TENM3: variants seen among roughly 807,000 people sequenced by gnomAD.
The protein encoded by TENM3 is teneurin transmembrane protein 3, also known as teneurin-3.
Under a neutral mutation model 255.1 loss-of-function variants are expected in TENM3, and 63 were observed. That is an observed-to-expected ratio of 0.25 (90% CI 0.20 to 0.30). The LOEUF (loss-of-function observed/expected upper bound fraction) is 0.30. Among genes scored for constraint, TENM3 ranks in the 10% least tolerant of loss-of-function variants. The probability of loss-of-function intolerance (pLI) is 1.00; values close to 1 mark genes in which losing one functional copy is unlikely to be tolerated. For missense variants in TENM3, 2,929 were observed against 3,461.1 expected (o/e 0.85, Z 3.86); for synonymous variants, 1,306 against 1,322.3 (o/e 0.99, Z 0.27).
chr4:181,916,324 G>T, the TENM3 span, among the ~76,000 whole-genome samples: 1 of 152,114 alleles, frequency 6.6e-6, no homozygotes. Context: ...ATCATTACTT[G>T]TTTAATGCCC....
At chr4:182,228,376 G>GTATA (rs1561218842) in intron 1 of TENM3, among the ~76,000 whole-genome samples, 1 of 92,192 alleles carries the variant, frequency 1.1e-5, no homozygotes, top group Non-Finnish European at 2.4e-5. Flanking sequence ...GTGTGTGTGT[G>GTATA]TGTGTGTGTG....
At chr4:182,529,970 T>A (rs1047223646) in intron 3 of TENM3, among the ~76,000 whole-genome samples, 2 of 152,210 alleles carry the variant, frequency 1.3e-5, no homozygotes, top group Admixed American at 1.3e-4. Flanking sequence ...GGTAGCTGGT[T>A]TGAGTATATA....
At chr4:181,785,238 G>T in the TENM3 span, among the ~76,000 whole-genome samples, 6 of 152,154 alleles carry the variant, frequency 3.9e-5, no homozygotes, top group African/African-American at 1.4e-4. Flanking sequence ...ATAACATACA[G>T]ATTTGTTTAT....
chr4:181,760,455 G>A, the TENM3 span, among the ~76,000 whole-genome samples: 2 of 152,166 alleles, frequency 1.3e-5, no homozygotes, highest in Non-Finnish European at 2.9e-5. Flanking sequence ...AATAGACCAC[G>A]ATTGTGTAAT....
chr4:182,388,901 C>G (rs1223016180), intron 3 of TENM3, among the ~76,000 whole-genome samples: 2 of 152,166 alleles, frequency 1.3e-5, no homozygotes, highest in Admixed American at 6.5e-5. Flanking sequence ...AGCACCAAGA[C>G]AGATGGAGGT....
chr4:182,720,971 T>C (rs1015360365), intron 13 of TENM3, among the ~76,000 whole-genome samples: 2 of 151,992 alleles, frequency 1.3e-5, no homozygotes, highest in African/African-American at 4.8e-5. Context: ...TTTCACCACA[T>C]TGGCCAAGCT....
In TENM3 at chr4:182,680,521, T is replaced by A. The variant is rs773731043; in HGVS notation, c.1640-22T>A. 7 of 1,610,410 alleles carry A rather than the reference T, an allele frequency of 4.3e-6. No homozygotes were observed. In the African/African-American group the frequency reaches 6.7e-5, roughly 15 times the overall value. On this transcript the variant is annotated intron_variant, in intron 9 of 27. Transcript: ENST00000511685. ...CGGTGGAAAGTGTGGCTGTAATTCT[T>A]CTGTCGTGTCTTGTTTCACAGCCGC...
At chr4:181,540,972 T>TGTAGTCCCATATTGC in the TENM3 span, among the ~76,000 whole-genome samples, 1 of 152,216 alleles carries the variant, frequency 6.6e-6, no homozygotes, top group African/African-American at 2.4e-5. Context: ...ATATGGGAAC[T>TGTAGTCCCATATTGC]ACATGTGCAA....
At chr4:181,714,346 G>A in the TENM3 span, among the ~76,000 whole-genome samples, 1 of 152,232 alleles carries the variant, frequency 6.6e-6, no homozygotes, top group Non-Finnish European at 1.5e-5. Flanking sequence ...GGAGGCTGGG[G>A]TGAGAGGATC....
chr4:181,789,107 A>G, the TENM3 span, among the ~76,000 whole-genome samples: 39 of 152,262 alleles, frequency 2.6e-4, no homozygotes, highest in African/African-American at 9.1e-4. Context: ...GACGGCGATT[A>G]ATATGATATA....
the TENM3 span, among the ~76,000 whole-genome samples, chr4:181,653,635 G>A: frequency 5.9e-5 from 9 of 151,302 alleles, no homozygotes; most frequent in South Asian, 8.4e-4. Flanking sequence ...TCTTGACCTC[G>A]TGATCTGCCC....
At chr4:181,680,488 G>A in the TENM3 span, among the ~76,000 whole-genome samples, 3 of 152,152 alleles carry the variant, frequency 2.0e-5, no homozygotes, top group Non-Finnish European at 4.4e-5. Flanking sequence ...CTTCATTAAG[G>A]ATGTCTTGCC....
chr4:182,486,348 G>C (rs1239655981), intron 3 of TENM3, among the ~76,000 whole-genome samples: 1 of 151,204 alleles, frequency 6.6e-6, no homozygotes, highest in Non-Finnish European at 1.5e-5. Context: ...TCATCCCTAT[G>C]GGAAATATGA....
intron 3 of TENM3, among the ~76,000 whole-genome samples, chr4:182,354,778 T>C (rs1378602373): frequency 6.6e-6 from 1 of 152,160 alleles, no homozygotes; most frequent in Non-Finnish European, 1.5e-5. Context: ...TGGATAGAAA[T>C]GCGTATACAC....
intron 3 of TENM3, among the ~76,000 whole-genome samples, chr4:182,548,202 G>T (rs78830454): frequency 3.9e-5 from 6 of 152,016 alleles, no homozygotes; most frequent in Non-Finnish European, 8.8e-5. Flanking sequence ...TCCAGCCTGG[G>T]CAACACAGTG....
chr4:181,510,004 A>G, the TENM3 span, among the ~76,000 whole-genome samples: 1 of 152,162 alleles, frequency 6.6e-6, no homozygotes, highest in Non-Finnish European at 1.5e-5. Context: ...TCCTCTTTTC[A>G]AGCTTTATCG....
the TENM3 span, among the ~76,000 whole-genome samples, chr4:182,002,165 G>T: frequency 6.6e-6 from 1 of 152,028 alleles, no homozygotes; most frequent in Non-Finnish European, 1.5e-5. Flanking sequence ...TTAGATCTCT[G>T]CCAGAAGGAA....
At chr4:181,927,785 A>G in the TENM3 span, among the ~76,000 whole-genome samples, 4 of 152,180 alleles carry the variant, frequency 2.6e-5, no homozygotes, top group African/African-American at 9.6e-5. Flanking sequence ...TCCAGCTGGC[A>G]TCTGGCAGGT....
chr4:181,838,351 G>A, the TENM3 span, among the ~76,000 whole-genome samples: 281 of 152,076 alleles, frequency 1.8e-3, no homozygotes, highest in Non-Finnish European at 3.3e-3. Context: ...GCCATGTTTT[G>A]GCATCTAGAA....
Sources: gnomAD v4.1 joint callset for allele counts (sites outside exome capture counted in the v4.1 genomes callset) on GRCh38, gnomAD v4.1.1 for gene constraint, MANE v1.5 for transcripts, NCBI Gene and HGNC (gene_info 2026-07-23, HGNC 2026-07-21) for gene names.